LRRC28: variants seen among roughly 807,000 people sequenced by gnomAD.
The protein encoded by LRRC28 is leucine-rich repeat-containing protein 28.
In LRRC28, 39 loss-of-function variants were observed where a neutral mutation model predicts 45.7. The observed-to-expected ratio is 0.85, with a 90% CI of 0.66 to 1.12. The LOEUF (loss-of-function observed/expected upper bound fraction) is 1.12, where lower values mean the gene tolerates loss of function less well. Among genes scored for constraint, LRRC28 ranks in the 50% most tolerant of loss-of-function variants. LRRC28 has a pLI of 0.00. For missense variants in LRRC28, 435 were observed against 438.5 expected (o/e 0.99, Z 0.07); for synonymous variants, 206 against 178.8 (o/e 1.15, Z -1.22).
chr15:99,265,808 A>G (rs1308842902), intron 2 of LRRC28, among the ~76,000 whole-genome samples: 1 of 152,184 alleles, frequency 6.6e-6, no homozygotes, highest in African/African-American at 2.4e-5. Context: ...TTTATTTACA[A>G]GAAAAAAGGC....
chr15:99,308,849 A>ACT (rs1469893978), intron 5 of LRRC28, among the ~76,000 whole-genome samples: 1 of 152,366 alleles, frequency 6.6e-6, no homozygotes, highest in African/African-American at 2.4e-5. Flanking sequence ...GGGTCTCAGA[A>ACT]GGCTGCAGTC....
Position 99,349,855 on chromosome 15 carries a change from G to A in LRRC28, c.593-2514G>A, listed in dbSNP as rs570308626. On this transcript the variant is annotated intron_variant, in intron 6 of 9. Transcript: ENST00000301981. ...TTCAAACTCATAAGTAGAAAAATGC[G>A]GCCGGGCGCGGTGGCTCACGCCTGT... is the stretch of plus-strand genomic sequence containing the variant. Among the ~76,000 whole-genome samples the A allele has an allele frequency of 5.3e-5, 8 of 152,330 alleles. 1 individual carries two copies. The highest frequency in any genetic ancestry group is 7.2e-5 in the African/African-American group (3 of 41,574).
intron 6 of LRRC28, among the ~76,000 whole-genome samples, chr15:99,351,213 G>T (rs530379756): frequency 6.6e-6 from 1 of 152,290 alleles, no homozygotes; most frequent in African/African-American, 2.4e-5. Flanking sequence ...TGAGTGCTTA[G>T]GAGCGGAGAG....
At chr15:99,289,916 G>A (rs1398705317) in intron 5 of LRRC28, among the ~76,000 whole-genome samples, 11 of 129,472 alleles carry the variant, frequency 8.5e-5, no homozygotes, top group African/African-American at 3.2e-4. Context: ...GTCCGGCCTG[G>A]GCGACAGAGC....
At chr15:99,317,132 CA>C (rs1490335326) in intron 5 of LRRC28, among the ~76,000 whole-genome samples, 1 of 152,080 alleles carries the variant, frequency 6.6e-6, no homozygotes, top group Non-Finnish European at 1.5e-5. Flanking sequence ...TAGGATTTAG[CA>C]TCCCATTTTC....
chr15:99,317,970 C>A (rs986592876), intron 5 of LRRC28, among the ~76,000 whole-genome samples: 7 of 152,070 alleles, frequency 4.6e-5, no homozygotes, highest in African/African-American at 1.4e-4. Context: ...ATTTTGAATT[C>A]TGGTATGTAT....
intron 6 of LRRC28, among the ~76,000 whole-genome samples, chr15:99,343,413 A>T (rs558748557): frequency 2.0e-5 from 3 of 152,318 alleles, no homozygotes; most frequent in African/African-American, 7.2e-5. Flanking sequence ...AGCCATGTGG[A>T]CTGTGTATGC....
At chr15:99,317,541 C>G (rs1158830677) in intron 5 of LRRC28, 1 of 152,146 alleles carries the variant, frequency 6.6e-6, no homozygotes, top group Non-Finnish European at 1.5e-5. Flanking sequence ...TGTGTTGTTC[C>G]ATAAGGTCAG....
intron 5 of LRRC28, among the ~76,000 whole-genome samples, chr15:99,308,533 G>A (rs903152411): frequency 2.0e-5 from 3 of 152,080 alleles, no homozygotes; most frequent in Non-Finnish European, 2.9e-5. Flanking sequence ...TTAGTTAGGC[G>A]TGGTGGCACG....
At chr15:99,376,121 C>T (rs1277858415) in intron 9 of LRRC28, among the ~76,000 whole-genome samples, 1 of 152,048 alleles carries the variant, frequency 6.6e-6, no homozygotes, top group African/African-American at 2.4e-5. Context: ...ACTACTGTCT[C>T]TAGCTATGTA....
At chr15:99,332,702 G>A (rs551115523) in intron 5 of LRRC28, among the ~76,000 whole-genome samples, 102 of 152,286 alleles carry the variant, frequency 6.7e-4, no homozygotes, top group African/African-American at 2.4e-3. Context: ...TGGCCTGTGA[G>A]CCATAGTTTA....
chr15:99,311,656 G>A (rs1256358819), intron 5 of LRRC28, among the ~76,000 whole-genome samples: 2 of 152,176 alleles, frequency 1.3e-5, no homozygotes, highest in Admixed American at 6.5e-5. Context: ...TTGCCTGCAA[G>A]TTCAGAATGA....
Position 99,386,078 on chromosome 15 carries a change from G to T in LRRC28, c.1080G>T (p.Leu360=), listed in dbSNP as rs780004284. Residue 360 remains leucine, a synonymous_variant, in exon 10 of 10, where the codon CTG becomes CTT. Transcript: ENST00000301981. ...FVAYCCSTQC[L]QTFDLLS is the part of the protein sequence containing the mutation. ...CTTACTGCTGCTCCACCCAGTGTCT[G>T]CAGACTTTTGACCTGCTGAGTTGAT... 6.8e-6 allele frequency: 11 copies of T among 1,613,946 alleles called. No homozygotes were observed. The highest frequency in any genetic ancestry group is 1.1e-5 in the South Asian group (1 of 91,084).
Position 99,362,071 on chromosome 15 carries a change from G to A in LRRC28, c.871+560G>A, listed in dbSNP as rs187048176. Among the ~76,000 whole-genome samples the A allele has an allele frequency of 3.0e-3, 460 of 152,312 alleles. 2 individuals are homozygous for A. Among genetic ancestry groups the A allele is most frequent in the Non-Finnish European group, 4.5e-3 (307 of 68,028 alleles). On this transcript the variant is annotated intron_variant, in intron 8 of 9. Coordinates refer to ENST00000301981, the MANE Select transcript of LRRC28 (RefSeq NM_144598.5). ...GCTAAAATTTGGAAAGGATTTGGCC[G>A]TGCACAGATTTGATAGGTATTGTGG... is the stretch of plus-strand genomic sequence containing the variant.
intron 5 of LRRC28, among the ~76,000 whole-genome samples, chr15:99,321,177 C>A (rs1252039630): frequency 6.6e-6 from 1 of 152,088 alleles, no homozygotes; most frequent in Non-Finnish European, 1.5e-5. Flanking sequence ...AATTCTATAT[C>A]AAGATCTTAA....
intron 9 of LRRC28, among the ~76,000 whole-genome samples, chr15:99,373,874 C>A (rs1957552271): frequency 6.6e-6 from 1 of 152,062 alleles, no homozygotes; most frequent in Non-Finnish European, 1.5e-5. Flanking sequence ...AAATCTTTAC[C>A]TACCCCCAAG....
intron 6 of LRRC28, among the ~76,000 whole-genome samples, chr15:99,338,733 A>C (rs181022194): frequency 6.6e-6 from 1 of 152,350 alleles, no homozygotes; most frequent in Admixed American, 6.5e-5. Flanking sequence ...TAGCCTCTTC[A>C]AAAGGTAACT....
At chr15:99,300,206 T>A (rs936074544) in intron 5 of LRRC28, among the ~76,000 whole-genome samples, 11 of 152,094 alleles carry the variant, frequency 7.2e-5, no homozygotes, top group Non-Finnish European at 1.2e-4. Context: ...TTTTCTTAAA[T>A]GAGATAGTTT....
Position 99,386,193 on chromosome 15 carries a change from C to A in LRRC28, c.*91C>A. The stretch of plus-strand genomic sequence containing the variant: ...CTCTTCCATCCTGTCCTGTCCAATG[C>A]GGGGGCACTGCAGAACTCTCTAGAA... On this transcript the variant is annotated 3_prime_UTR_variant, in exon 10 of 10. Coordinates refer to ENST00000301981, the MANE Select transcript of LRRC28 (RefSeq NM_144598.5). 2.0e-6 allele frequency: 2 copies of A among 993,144 alleles called. No individual in the cohort carries two copies. Among genetic ancestry groups the A allele is most frequent in the African/African-American group, 1.6e-5 (1 of 62,900 alleles). The allele number at this position is 993,144 out of a possible 1,614,324, so 61.5% of individuals were successfully genotyped here.
Sources: allele counts gnomAD v4.1 joint callset (sites outside exome capture counted in the v4.1 genomes callset), GRCh38; gene constraint gnomAD v4.1.1; transcripts MANE v1.5; gene names NCBI Gene and HGNC (gene_info 2026-07-23, HGNC 2026-07-21).